Variants in MACROD2 observed in about 807,000 individuals in gnomAD.
MACROD2 encodes the protein mono-ADP ribosylhydrolase 2.
A neutral mutation model predicts 70.4 loss-of-function variants in MACROD2; 36 were observed. The ratio of observed to expected loss-of-function variants is 0.51; its 90% confidence interval spans 0.39 to 0.68. The LOEUF (loss-of-function observed/expected upper bound fraction) is 0.68, where lower values mean the gene tolerates loss of function less well. MACROD2 is among the 30% of genes least tolerant of loss of function. MACROD2 has a pLI of 0.00. For synonymous variants in MACROD2, 172 were observed against 178.8 expected, an observed-to-expected ratio of 0.96 and a Z score of 0.30; for missense variants, 496 against 538.4, an observed-to-expected ratio of 0.92 and a Z score of 0.78.
intron 5 of MACROD2, among the ~76,000 whole-genome samples, chr20:15,030,213 C>T (rs1034799085): frequency 1.3e-5 from 2 of 152,104 alleles, no homozygotes; most frequent in East Asian, 3.9e-4. Flanking sequence ...GGTCCCTTTG[C>T]ACAAGGCAGG....
At chr20:14,006,966 C>T (rs761169711) in intron 2 of MACROD2, among the ~76,000 whole-genome samples, 2 of 152,048 alleles carry the variant, frequency 1.3e-5, no homozygotes, top group Admixed American at 6.6e-5. Context: ...GCACATAATG[C>T]GTCATTGTCT....
At chr20:14,581,835 C>T (rs1418830709) in intron 4 of MACROD2, among the ~76,000 whole-genome samples, 1 of 152,164 alleles carries the variant, frequency 6.6e-6, no homozygotes, top group Non-Finnish European at 1.5e-5. Context: ...GGCTACTGCT[C>T]TTGGGAGTCA....
intron 15 of MACROD2, among the ~76,000 whole-genome samples, chr20:16,001,105 G>T (rs1568698821): frequency 6.6e-6 from 1 of 152,206 alleles, no homozygotes; most frequent in Non-Finnish European, 1.5e-5. Context: ...GATTTCAAAT[G>T]TAAGTGCTGC....
At chr20:14,681,970 A>T (rs544781844) in intron 4 of MACROD2, among the ~76,000 whole-genome samples, 4 of 152,280 alleles carry the variant, frequency 2.6e-5, no homozygotes, top group African/African-American at 7.2e-5. Flanking sequence ...TATTTACCTT[A>T]TAAGGTTGTC....
chr20:15,373,051 C>G (rs1450941337), intron 6 of MACROD2, among the ~76,000 whole-genome samples: 1 of 151,856 alleles, frequency 6.6e-6, no homozygotes, highest in Non-Finnish European at 1.5e-5. Context: ...CAGGAGAAAA[C>G]CCTAAAAAAA....
At chr20:15,165,391 G>T (rs1454191408) in intron 5 of MACROD2, among the ~76,000 whole-genome samples, 1 of 152,210 alleles carries the variant, frequency 6.6e-6, no homozygotes, top group Non-Finnish European at 1.5e-5. Flanking sequence ...GGAAGGCAGA[G>T]GTTGCAGTGA....
chr20:15,051,436 G>A (rs1375606220), intron 5 of MACROD2, among the ~76,000 whole-genome samples: 1 of 150,812 alleles, frequency 6.6e-6, no homozygotes, highest in Admixed American at 6.6e-5. Context: ...GTAGAACTGG[G>A]GACTGGCAAG....
At chr20:14,226,567 G>T (rs1024732998) in intron 3 of MACROD2, among the ~76,000 whole-genome samples, 2 of 152,182 alleles carry the variant, frequency 1.3e-5, no homozygotes, top group Non-Finnish European at 2.9e-5. Context: ...CTGGAGTTCC[G>T]GGTGGGCGTG....
chr20:15,147,314 G>C (rs1188025305), intron 5 of MACROD2, among the ~76,000 whole-genome samples: 1 of 152,052 alleles, frequency 6.6e-6, no homozygotes, highest in East Asian at 1.9e-4. Flanking sequence ...GACTGGATTT[G>C]ATTGAAAGTT....
intron 6 of MACROD2, among the ~76,000 whole-genome samples, chr20:15,361,337 G>A (rs2078349201): frequency 6.6e-6 from 1 of 152,136 alleles, no homozygotes; most frequent in African/African-American, 2.4e-5. Flanking sequence ...TTACTCTATT[G>A]AATTGCTTTT....
chr20:15,711,657 TC>T (rs2050630210), intron 8 of MACROD2, among the ~76,000 whole-genome samples: 1 of 152,200 alleles, frequency 6.6e-6, no homozygotes, highest in African/African-American at 2.4e-5. Flanking sequence ...AGCTTTGATT[TC>T]ACAGAAATGT....
intron 6 of MACROD2, among the ~76,000 whole-genome samples, chr20:15,352,012 ACT>A (rs1265332850): frequency 6.6e-6 from 1 of 152,030 alleles, no homozygotes; most frequent in East Asian, 1.9e-4. Context: ...AGAAAAAGAG[ACT>A]CTGTTAGTTG....
intron 6 of MACROD2, among the ~76,000 whole-genome samples, chr20:15,338,235 T>C (rs757443321): frequency 1.3e-4 from 20 of 151,668 alleles, no homozygotes; most frequent in Non-Finnish European, 2.6e-4. Flanking sequence ...TCGTGACTTA[T>C]GAGACATTGC....
At chr20:15,567,231 A>C (rs2048322592) in intron 8 of MACROD2, among the ~76,000 whole-genome samples, 1 of 152,126 alleles carries the variant, frequency 6.6e-6, no homozygotes, top group African/African-American at 2.4e-5. Flanking sequence ...GTTAGTCAAG[A>C]CTTTATTATT....
chr20:14,801,875 C>G (rs1005673664), intron 5 of MACROD2, among the ~76,000 whole-genome samples: 4 of 152,008 alleles, frequency 2.6e-5, no homozygotes, highest in African/African-American at 9.7e-5. Context: ...GCTTCCAGTC[C>G]TATTTTTCTG....
intron 3 of MACROD2, among the ~76,000 whole-genome samples, chr20:14,456,904 A>G (rs971602973): frequency 1.3e-5 from 2 of 151,740 alleles, no homozygotes; most frequent in Non-Finnish European, 2.9e-5. Context: ...TTTTTAGTAG[A>G]GACGGGGTTT....
At chr20:14,887,323 A>G (rs1326457931) in intron 5 of MACROD2, among the ~76,000 whole-genome samples, 2 of 152,124 alleles carry the variant, frequency 1.3e-5, no homozygotes, top group Non-Finnish European at 2.9e-5. Context: ...ACCTCTTCTA[A>G]GAAGCAAATA....
At chr20:14,638,496 G>A (rs137855597) in intron 4 of MACROD2, among the ~76,000 whole-genome samples, 8 of 152,218 alleles carry the variant, frequency 5.3e-5, no homozygotes, top group Middle Eastern at 3.4e-3. Flanking sequence ...CAGCTTAGTC[G>A]TTGAGAGCAT....
At chr20:14,368,459 C>T (rs1443781783) in intron 3 of MACROD2, among the ~76,000 whole-genome samples, 2 of 151,804 alleles carry the variant, frequency 1.3e-5, no homozygotes, top group East Asian at 3.9e-4. Flanking sequence ...AGGAGAATGG[C>T]ATGAACCCGG....
Sources: gnomAD v4.1 joint callset for allele counts (sites outside exome capture counted in the v4.1 genomes callset) on GRCh38, gnomAD v4.1.1 for gene constraint, MANE v1.5 for transcripts, NCBI Gene and HGNC (gene_info 2026-07-23, HGNC 2026-07-21) for gene names.